The following P2RY12 variants were observed in gnomAD, a reference collection of about 807,000 sequenced individuals.
P2RY12 encodes P2Y purinoceptor 12.
Under a neutral mutation model 4.5 loss-of-function variants are expected in P2RY12, and 3 were observed. The ratio of observed to expected loss-of-function variants is 0.67; its 90% CI spans 0.31 to 1.74. The LOEUF (loss-of-function observed/expected upper bound fraction) is 1.74, where lower values mean the gene tolerates loss of function less well. Among genes scored for constraint, P2RY12 ranks in the 40% most tolerant of loss-of-function variants. P2RY12 has a pLI of 0.09. For missense variants in P2RY12, 356 were observed against 407.8 expected, an observed-to-expected ratio of 0.87 and a Z score of 1.09; for synonymous variants, 148 against 154.1, an observed-to-expected ratio of 0.96 and a Z score of 0.29.
At chr3:151,372,750 G>A (rs1201574115) in intron 1 of P2RY12, 1 of 1,612,324 alleles carries the variant, frequency 6.2e-7, no homozygotes, top group Non-Finnish European at 8.5e-7. Flanking sequence ...TATGTACTGA[G>A]GACTATCTGT....
intron 1 of P2RY12, among the ~76,000 whole-genome samples, chr3:151,345,833 A>G (rs73006580): frequency 1.3e-5 from 2 of 152,104 alleles, no homozygotes; most frequent in Non-Finnish European, 2.9e-5. Flanking sequence ...TTCTACTTGT[A>G]TGAAAAACTG....
chr3:151,370,237 G>T (rs1205962135), intron 1 of P2RY12, among the ~76,000 whole-genome samples: 2 of 152,234 alleles, frequency 1.3e-5, no homozygotes, highest in Admixed American at 6.5e-5. Context: ...TAAAGGCTTT[G>T]AATGATTAGG....
At chr3:151,378,537 T>C (rs757363617) in intron 1 of P2RY12, among the ~76,000 whole-genome samples, 5 of 151,978 alleles carry the variant, frequency 3.3e-5, no homozygotes, top group Non-Finnish European at 7.4e-5. Flanking sequence ...AAAATAAATA[T>C]AATGTATAAT....
chr3:151,354,368 C>T (rs1753663345), intron 1 of P2RY12, among the ~76,000 whole-genome samples: 1 of 151,772 alleles, frequency 6.6e-6, no homozygotes, highest in Non-Finnish European at 1.5e-5. Flanking sequence ...TTCTTCAAAC[C>T]TCTTTATGCT....
intron 1 of P2RY12, chr3:151,350,140 C>A (rs769335971): frequency 6.2e-7 from 1 of 1,613,660 alleles, no homozygotes; most frequent in South Asian, 1.1e-5. Context: ...AGCAAGGCAT[C>A]AGCTGAAGAA....
chr3:151,357,519 C>T, intron 1 of P2RY12: 1 of 690,248 alleles, frequency 1.4e-6, no homozygotes, highest in Non-Finnish European at 2.2e-6. Flanking sequence ...TGCCAGAAAA[C>T]ATCGATCAAA....
intron 1 of P2RY12, chr3:151,365,239 C>A (rs1472974291): frequency 6.4e-7 from 1 of 1,559,714 alleles, no homozygotes; most frequent in African/African-American, 1.4e-5. Flanking sequence ...TCATGATTAA[C>A]CAAAGAGTTG....
chr3:151,350,610 G>T (rs1238533771), intron 1 of P2RY12, among the ~76,000 whole-genome samples: 4 of 151,698 alleles, frequency 2.6e-5, no homozygotes, highest in African/African-American at 7.3e-5. Context: ...CTTGTGGTTA[G>T]TTTTTTTTCT....
chr3:151,379,213 G>A (rs573072941), intron 1 of P2RY12, among the ~76,000 whole-genome samples: 13 of 152,334 alleles, frequency 8.5e-5, no homozygotes, highest in Admixed American at 3.3e-4. Flanking sequence ...CATATTTGCT[G>A]ATAGGTGAGT....
intron 1 of P2RY12, among the ~76,000 whole-genome samples, chr3:151,358,155 A>T (rs980249324): frequency 1.3e-5 from 2 of 152,160 alleles, no homozygotes; most frequent in Non-Finnish European, 2.9e-5. Context: ...ATGCTATCCT[A>T]GAATGATATC....
At chr3:151,351,713 G>A (rs746933835) in intron 1 of P2RY12, among the ~76,000 whole-genome samples, 2 of 152,140 alleles carry the variant, frequency 1.3e-5, no homozygotes, top group Non-Finnish European at 2.9e-5. Context: ...CAGGAGGTTC[G>A]TAATACATAT....
At chr3:151,339,654 T>A (rs959741131) in intron 2 of P2RY12, among the ~76,000 whole-genome samples, 14 of 151,616 alleles carry the variant, frequency 9.2e-5, no homozygotes, top group Middle Eastern at 6.8e-3. Flanking sequence ...AAAAAAAAAA[T>A]AAGAGTCAGA....
rs948455786 is a variant in P2RY12 at position 151,337,140 on chromosome 3, T to TAA, written c.*675_*676dup. On this transcript the variant is annotated 3_prime_UTR_variant, in exon 3 of 3. Transcript: ENST00000302632. The stretch of plus-strand genomic sequence containing the variant: ...TATATTTTTTAGTATTAGAATGTCA[T>TAA]AAAAGTAAGTCTCCTTATTTTAATG... 1.3e-5 allele frequency: 2 copies of TAA among 152,140 alleles called. No homozygotes were observed. Among genetic ancestry groups the TAA allele is most frequent in the Admixed American group, 6.6e-5 (1 of 15,264 alleles). The allele number at this position is 152,140 out of a possible 1,614,324, so 9.4% of individuals were successfully genotyped here. A position where few individuals can be genotyped will look rare whatever the true frequency, so the allele number is the denominator to read the frequency against.
chr3:151,355,650 G>A (rs910924408), intron 1 of P2RY12, among the ~76,000 whole-genome samples: 1 of 152,110 alleles, frequency 6.6e-6, no homozygotes, highest in Admixed American at 6.5e-5. Context: ...ATTTGTAGTT[G>A]TTCTACCATT....
At chr3:151,365,961 G>T (rs1163908308) in intron 1 of P2RY12, 9 of 1,612,238 alleles carry the variant, frequency 5.6e-6, no homozygotes, top group Non-Finnish European at 7.6e-6. Context: ...ATCACGTGTG[G>T]GGGTTTAATG....
At chr3:151,357,141 T>G in intron 1 of P2RY12, 3 of 1,326,340 alleles carry the variant, frequency 2.3e-6, no homozygotes, top group Non-Finnish European at 3.1e-6. Flanking sequence ...ATATCTATGG[T>G]TTATAAAAAT....
chr3:151,370,576 T>C (rs1560090488), intron 1 of P2RY12, among the ~76,000 whole-genome samples: 1 of 152,204 alleles, frequency 6.6e-6, no homozygotes, highest in Non-Finnish European at 1.5e-5. Context: ...CCTCTGAGTG[T>C]AGGCGCTTAT....
intron 1 of P2RY12, among the ~76,000 whole-genome samples, chr3:151,382,260 A>G (rs984341597): frequency 6.6e-6 from 1 of 152,224 alleles, no homozygotes; most frequent in Non-Finnish European, 1.5e-5. Flanking sequence ...TACATTTGCT[A>G]GGGTTCAGCA....
chr3:151,342,959 G>T (rs568598408), intron 1 of P2RY12, among the ~76,000 whole-genome samples: 3 of 152,242 alleles, frequency 2.0e-5, no homozygotes, highest in African/African-American at 7.2e-5. Flanking sequence ...GAACTGAAGA[G>T]CAGAGCAGTG....
Sources: gnomAD v4.1 joint callset for allele counts (sites outside exome capture counted in the v4.1 genomes callset) on GRCh38, gnomAD v4.1.1 for gene constraint, MANE v1.5 for transcripts, NCBI Gene and HGNC (gene_info 2026-07-23, HGNC 2026-07-21) for gene names.